MAP3K15: variants seen among roughly 807,000 people sequenced by gnomAD.
The protein encoded by MAP3K15 is MAPK/ERK kinase kinase 15.
MAP3K15 carries 124 observed loss-of-function variants against 99.5 expected under a neutral mutation model. The ratio of observed to expected loss-of-function variants is 1.25; its 90% confidence interval spans 1.08 to 1.45. The LOEUF (loss-of-function observed/expected upper bound fraction) is 1.45, where lower values mean the gene tolerates loss of function less well. Among genes scored for constraint, MAP3K15 ranks in the 40% most tolerant of loss-of-function variants. The probability of loss-of-function intolerance (pLI) is 0.00; values close to 1 mark genes in which losing one functional copy is unlikely to be tolerated. For missense variants in MAP3K15, 1,242 were observed against 1,079.7 expected (o/e 1.15, Z -2.11); for synonymous variants, 494 against 439.6 (o/e 1.12, Z -1.55).
chrX:19,461,666 T>G (rs1425796347), intron 4 of MAP3K15, among the ~76,000 whole-genome samples: 1 of 111,202 alleles, frequency 9.0e-6, no homozygotes, highest in Non-Finnish European at 1.9e-5. Context: ...GGTAGGACAC[T>G]GCCAAGCAGT....
chrX:19,478,346 T>C (rs2064267014), intron 3 of MAP3K15, among the ~76,000 whole-genome samples: 1 of 105,336 alleles, frequency 9.5e-6, no homozygotes, highest in Admixed American at 1.0e-4. Context: ...TAGAAATCTT[T>C]TGAACTCAGA....
intron 6 of MAP3K15, among the ~76,000 whole-genome samples, chrX:19,451,107 G>A (rs1374452383): frequency 1.9e-5 from 2 of 107,767 alleles, no homozygotes; most frequent in East Asian, 2.8e-4. Context: ...CCAACAGGGC[G>A]AAACCCCATC....
At chrX:19,372,953 A>C (rs1828567789) in intron 21 of MAP3K15, 126 bp from the exon 22 acceptor site, 2 of 642,768 alleles carry the variant, frequency 3.1e-6, no homozygotes, top group African/African-American at 2.3e-5. Context: ...GCTCAAGAAG[A>C]TGAAATTGCC....
intron 6 of MAP3K15, among the ~76,000 whole-genome samples, chrX:19,433,774 C>T (rs1309560342): frequency 1.8e-5 from 2 of 112,077 alleles, no homozygotes; most frequent in East Asian, 2.8e-4. Flanking sequence ...CCTGACCCAA[C>T]GATTCCACTT....
chrX:19,367,723 ATTTTTTTTTTTTTTTTTTTTT>A (rs748998915), intron 25 of MAP3K15, among the ~76,000 whole-genome samples: 17 of 24,139 alleles, frequency 7.0e-4, no homozygotes, highest in South Asian at 3.9e-3. Context: ...ATAACTATGG[ATTTTTTTTTTTTTTTTTTTTT>A]TTTTTTTTTT....
intron 9 of MAP3K15, among the ~76,000 whole-genome samples, chrX:19,418,175 G>A (rs2063752309): frequency 8.9e-6 from 1 of 112,074 alleles, no homozygotes; most frequent in South Asian, 3.7e-4. Context: ...ACCAGCAATG[G>A]AACAAAGCTG....
At chrX:19,362,232 T>C (rs1407973282) in intron 26 of MAP3K15, among the ~76,000 whole-genome samples, 2 of 95,793 alleles carry the variant, frequency 2.1e-5, no homozygotes, top group Non-Finnish European at 4.2e-5. Flanking sequence ...TTTTGAATCT[T>C]TTTTTTTTTT....
chrX:19,366,237 G>A (rs767848355), intron 25 of MAP3K15, among the ~76,000 whole-genome samples: 16 of 110,531 alleles, frequency 1.4e-4, no homozygotes, highest in African/African-American at 5.3e-4. Flanking sequence ...CTTCATCCTG[G>A]TCTCTCTAGT....
At chrX:19,513,736 A>G (rs762329301) in intron 1 of MAP3K15, among the ~76,000 whole-genome samples, 1 of 111,670 alleles carries the variant, frequency 9.0e-6, no homozygotes, top group East Asian at 2.8e-4. Flanking sequence ...ACTCCCTTTG[A>G]CCAGAAACTG....
intron 6 of MAP3K15, among the ~76,000 whole-genome samples, chrX:19,443,795 T>G (rs1221987142): frequency 9.0e-6 from 1 of 111,255 alleles, no homozygotes; most frequent in Non-Finnish European, 1.9e-5. Context: ...TCATTTCTAT[T>G]CCTCTTATGC....
intron 26 of MAP3K15, 140 bp from the exon 27 acceptor site, chrX:19,361,733 T>C: frequency 2.3e-6 from 1 of 434,058 alleles, no homozygotes; most frequent in South Asian, 3.6e-5. Context: ...TGAACCACGC[T>C]AATACGTATT....
intron 3 of MAP3K15, among the ~76,000 whole-genome samples, chrX:19,467,728 T>C (rs62589405): frequency 1.8e-4 from 2 of 11,044 alleles, no homozygotes; most frequent in Admixed American, 2.0e-3. Context: ...ACGTGGGAGG[T>C]TGAGGCAGGA....
rs1417206056 is a variant in MAP3K15 at position 19,463,363 on chromosome X, CCA to C, written c.719+848_719+849del. Among the ~76,000 whole-genome samples, 5 of 111,894 alleles carry C rather than the reference CCA, an allele frequency of 4.5e-5. No individual in the cohort carries two copies. In the South Asian group the frequency reaches 1.5e-3, roughly 33 times the overall value. ...GCAGTTCAGGGTGCCACTATTTGAG[CCA>C]CAGTGTGACAGGAGGTCCTCTACAT... On this transcript the variant is annotated intron_variant, in intron 4 of 28. Coordinates refer to ENST00000338883, the MANE Select transcript of MAP3K15 (RefSeq NM_001001671.4).
At chrX:19,496,890 C>T (rs1336477597) in intron 1 of MAP3K15, 1 of 109,696 alleles carries the variant, frequency 9.1e-6, no homozygotes, top group Non-Finnish European at 1.9e-5. Flanking sequence ...CCCTACGCTT[C>T]CTCAGCAGTA....
Position 19,360,841 on chromosome X carries a change from A to G in MAP3K15, c.3858-8T>C, listed in dbSNP as rs761827915. 2.5e-6 allele frequency: 3 copies of G among 1,184,908 alleles called. No individual in the cohort carries two copies. Among genetic ancestry groups the G allele is most frequent in the Admixed American group, 2.3e-5 (1 of 43,023 alleles). On this transcript the variant is annotated splice_polypyrimidine_tract_variant and splice_region_variant and intron_variant, in intron 28 of 28. Coordinates refer to ENST00000338883, the MANE Select transcript of MAP3K15 (RefSeq NM_001001671.4). ...CTGCAGAGGAGACCACCCCTGGGAA[A>G]CAAACACAGCTGTCTTCAGAGTCAG...
chrX:19,416,011 G>A lies in MAP3K15; in HGVS notation c.1440-754C>T, dbSNP rs143080132. ...CCACCTCCTGTTGCTATTGTGGTGA[G>A]CTCCTGTTGTAAGTATCTGCTTAAA... On this transcript the variant is annotated intron_variant, in intron 9 of 28. Coordinates refer to ENST00000338883, the MANE Select transcript of MAP3K15 (RefSeq NM_001001671.4). Among the ~76,000 whole-genome samples, 489 of 111,727 alleles carry A rather than the reference G, an allele frequency of 4.4e-3. 5 individuals carry two copies. The highest frequency in any genetic ancestry group is 0.015 in the African/African-American group (448 of 30,775).
chrX:19,454,999 T>G (rs745330656), intron 6 of MAP3K15, among the ~76,000 whole-genome samples: 18 of 112,123 alleles, frequency 1.6e-4, no homozygotes, highest in Non-Finnish European at 3.0e-4. Flanking sequence ...ACTCCTACTA[T>G]GTTGACGGCT....
intron 7 of MAP3K15, 80 bp from the exon 8 acceptor site, chrX:19,426,423 GAA>G: frequency 3.4e-6 from 2 of 587,547 alleles, no homozygotes; most frequent in Non-Finnish European, 4.8e-6. Flanking sequence ...ACTTTCTCAT[GAA>G]AAGTTTTCTT....
chrX:19,456,246 C>T (rs919610146), intron 6 of MAP3K15, among the ~76,000 whole-genome samples: 6 of 112,178 alleles, frequency 5.3e-5, no homozygotes, highest in African/African-American at 1.9e-4. Context: ...AGAGGCCCAT[C>T]AGCAGTAAAA....
Sources: gnomAD v4.1 joint callset for allele counts (sites outside exome capture counted in the v4.1 genomes callset) on GRCh38, gnomAD v4.1.1 for gene constraint, MANE v1.5 for transcripts, NCBI Gene and HGNC (gene_info 2026-07-23, HGNC 2026-07-21) for gene names.